The following WDR89 variants were observed in gnomAD, a reference collection of about 807,000 sequenced individuals.
The protein encoded by WDR89 is WD repeat domain 89, also known as WD repeat-containing protein 89.
WDR89 carries 17 observed loss-of-function variants against 29.1 expected under a neutral mutation model. The observed-to-expected ratio is 0.58, with a 90% CI of 0.40 to 0.88. The LOEUF (loss-of-function observed/expected upper bound fraction) is 0.88, where lower values mean the gene tolerates loss of function less well. Ranked by LOEUF, WDR89 falls within the 40% of genes least tolerant of loss-of-function variation. The probability of loss-of-function intolerance (pLI) is 0.00; values close to 1 mark genes in which losing one functional copy is unlikely to be tolerated. For missense variants in WDR89, 396 were observed against 456.3 expected (o/e 0.87, Z 1.20); for synonymous variants, 138 against 157.8 (o/e 0.87, Z 0.94).
At chr14:63,616,460 C>A (rs1027108691) in intron 2 of WDR89, among the ~76,000 whole-genome samples, 1 of 151,894 alleles carries the variant, frequency 6.6e-6, no homozygotes, top group Non-Finnish European at 1.5e-5. Context: ...TAAAAAATAA[C>A]AACATAGGGT....
At chr14:63,623,398 G>A (rs1258984283) in intron 2 of WDR89, among the ~76,000 whole-genome samples, 3 of 151,638 alleles carry the variant, frequency 2.0e-5, no homozygotes, top group African/African-American at 4.8e-5. Context: ...TGGTAAGAAG[G>A]TAGATTTAAA....
At chr14:63,629,083 C>T (rs1883244300) in intron 1 of WDR89, among the ~76,000 whole-genome samples, 1 of 152,078 alleles carries the variant, frequency 6.6e-6, no homozygotes, top group South Asian at 2.1e-4. Context: ...CTTGGGTTGC[C>T]TTCTCCTTGA....
intron 2 of WDR89, among the ~76,000 whole-genome samples, chr14:63,619,853 A>G (rs530043438): frequency 6.6e-6 from 1 of 152,182 alleles, no homozygotes; most frequent in South Asian, 2.1e-4. Flanking sequence ...GAAAATACAA[A>G]AATTAGCTGG....
chr14:63,625,903 G>A (rs1047568856), intron 1 of WDR89, among the ~76,000 whole-genome samples: 2 of 150,002 alleles, frequency 1.3e-5, no homozygotes, highest in East Asian at 1.9e-4. Context: ...CACCAGGCTC[G>A]AGAGCAGCAG....
At chr14:63,633,213 C>A (rs1883519383) in intron 1 of WDR89, among the ~76,000 whole-genome samples, 1 of 151,968 alleles carries the variant, frequency 6.6e-6, no homozygotes, top group African/African-American at 2.4e-5. Context: ...AGGATTTCCA[C>A]CCCTTTTATG....
intron 2 of WDR89, among the ~76,000 whole-genome samples, chr14:63,613,050 T>C (rs921170131): frequency 2.6e-5 from 4 of 152,094 alleles, no homozygotes; most frequent in Admixed American, 1.3e-4. Context: ...ACAGTTAGGG[T>C]AGGATTAAGA....
At chr14:63,613,862 C>T (rs973027129) in intron 2 of WDR89, among the ~76,000 whole-genome samples, 2 of 139,830 alleles carry the variant, frequency 1.4e-5, no homozygotes, top group South Asian at 2.3e-4. Flanking sequence ...CACGGTCTCA[C>T]ATACTTGAAC....
rs528213124 is a variant in WDR89, at chr14:63,599,464, T to A, written c.479A>T (p.Asp160Val). The A allele has an allele frequency of 2.5e-6, 4 of 1,614,122 alleles. No homozygotes were observed. The highest frequency in any genetic ancestry group is 2.2e-5 in the East Asian group (1 of 44,874). ...MNSQNLSTTK[D>V]SLGAYSETHS... is the part of the protein sequence containing the mutation. ...TGTCTCTGAATATGCACCAAGTGAG[T>A]CTTTAGTTGTAGATAAATTCTGAGA... is the stretch of plus-strand genomic sequence containing the variant. The change falls in exon 3 of 3, where the codon GAC becomes GTC. Residue 160 changes from aspartate to valine, a missense_variant. Asp to Val is a radical substitution (Grantham distance 152). Coordinates refer to ENST00000620954, the MANE Select transcript of WDR89 (RefSeq NM_080666.4).
Position 63,617,777 on chromosome 14 carries a change from G to A in WDR89, c.-32+7151C>T, listed in dbSNP as rs563036614. Among the ~76,000 whole-genome samples the A allele has an allele frequency of 3.3e-5, 5 of 152,260 alleles. 1 individual carries two copies. In the South Asian group the frequency reaches 8.3e-4, roughly 25 times the overall value. ...TGGTATTGCAGGCATGAGCCACTGC[G>A]CCTGGCCTAGAATTCTACATAGCAA... On this transcript the variant is annotated intron_variant, in intron 2 of 2. Transcript: ENST00000620954.
intron 2 of WDR89, among the ~76,000 whole-genome samples, chr14:63,610,702 C>CTTTTTTTTTTT (rs1009799974): frequency 7.7e-5 from 10 of 129,112 alleles, no homozygotes; most frequent in Non-Finnish European, 1.3e-4. Flanking sequence ...CTTTTCTTTT[C>CTTTTTTTTTTT]TTTTTTTTTT....
Position 63,607,255 on chromosome 14 carries a change from C to T in WDR89, c.-31-7282G>A, listed in dbSNP as rs187292419. On this transcript the variant is annotated intron_variant, in intron 2 of 2. Coordinates refer to ENST00000620954, the MANE Select transcript of WDR89 (RefSeq NM_080666.4). ...TCGGTTCACTGCAAGCTCTGCCTCC[C>T]GGGTTCACGCCATTCTCCTGCCTCA... is the stretch of plus-strand genomic sequence containing the variant. Among the ~76,000 whole-genome samples the T allele has an allele frequency of 7.2e-5, 11 of 152,192 alleles. No homozygotes were observed. The East Asian group carries it at 7.8e-4, about 11-fold the overall frequency.
Position 63,611,247 on chromosome 14 carries a change from G to A in WDR89, c.-31-11274C>T, listed in dbSNP as rs139602214. On this transcript the variant is annotated intron_variant, in intron 2 of 2. Transcript: ENST00000620954. ...AGCTACTAAGAAGGCTGAGGCATGA[G>A]AATCACTTGAACCCAGGAGGCGGAG... Among the ~76,000 whole-genome samples the A allele has an allele frequency of 3.1e-4, 43 of 140,518 alleles. No homozygotes were observed. In the East Asian group the frequency reaches 9.7e-3, roughly 32 times the overall value. The allele number at this position is 140,518 out of a possible 152,430, so 92.2% of individuals were successfully genotyped here.
At chr14:63,637,063 AG>A (rs1883778971) in intron 1 of WDR89, among the ~76,000 whole-genome samples, 1 of 149,174 alleles carries the variant, frequency 6.7e-6, no homozygotes. Context: ...CAAATCAGTA[AG>A]AAAAAAAACA....
rs1163912253 is a variant in WDR89 at position 63,597,565 on chromosome 14, T to C, written c.*1214A>G. 6.6e-6 allele frequency: 1 copy of C among 152,240 alleles called. No individual in the cohort carries two copies. Among genetic ancestry groups the C allele is most frequent in the African/African-American group, 2.4e-5 (1 of 41,462 alleles). The allele number at this position is 152,240 out of a possible 1,614,324, so 9.4% of individuals were successfully genotyped here. ...CAACACTATTAATTACTTTTGAATT[T>C]TAAATATTTTTAATTTTAAAAAGCC... On this transcript the variant is annotated 3_prime_UTR_variant, in exon 3 of 3. Coordinates refer to ENST00000620954, the MANE Select transcript of WDR89 (RefSeq NM_080666.4).
Position 63,597,714 on chromosome 14 carries a change from A to C in WDR89, c.*1065T>G, listed in dbSNP as rs1007714625. 2 of 152,178 alleles carry C rather than the reference A, an allele frequency of 1.3e-5. No individual in the cohort carries two copies. The highest frequency in any genetic ancestry group is 2.9e-5 in the Non-Finnish European group (2 of 68,034). The allele number at this position is 152,178 out of a possible 1,614,324, so 9.4% of individuals were successfully genotyped here. On this transcript the variant is annotated 3_prime_UTR_variant, in exon 3 of 3. Coordinates refer to ENST00000620954, the MANE Select transcript of WDR89 (RefSeq NM_080666.4). ...ATATTTTAAAGATTCTGAAAAACAC[A>C]ATTTTTAACGCTTATGTAGTCCGCC...
In WDR89 at chr14:63,632,145, C is replaced by CA. The variant is rs199611492; in HGVS notation, c.-137-7113dup. On this transcript the variant is annotated intron_variant, in intron 1 of 2. Transcript: ENST00000620954. ...AAACAAACAAAAAAAAAACTAAAAA[C>CA]AAAAAAAAGTAAATCCAAAAATCAA... Among the ~76,000 whole-genome samples, 154 of 149,860 alleles carry CA rather than the reference C, an allele frequency of 1.0e-3. 4 individuals carry two copies. The East Asian group carries it at 0.026, about 26-fold the overall frequency.
chr14:63,640,731 C>T (rs1884058498), intron 1 of WDR89, among the ~76,000 whole-genome samples: 1 of 151,486 alleles, frequency 6.6e-6, no homozygotes, highest in Non-Finnish European at 1.5e-5. Context: ...CCGCCTCGGC[C>T]TCCCAAAGTG....
chr14:63,604,140 G>A (rs1895205011), intron 2 of WDR89, among the ~76,000 whole-genome samples: 1 of 152,174 alleles, frequency 6.6e-6, no homozygotes, highest in African/African-American at 2.4e-5. Context: ...AATTAAAAAT[G>A]ATGGCCAGGT....
intron 2 of WDR89, among the ~76,000 whole-genome samples, chr14:63,600,949 A>G (rs1442716771): frequency 6.6e-6 from 1 of 152,062 alleles, no homozygotes; most frequent in Non-Finnish European, 1.5e-5. Context: ...TCAAAAGTGG[A>G]AGAGGGAGGC....
Sources: gnomAD v4.1 joint callset for allele counts (sites outside exome capture counted in the v4.1 genomes callset) on GRCh38, gnomAD v4.1.1 for gene constraint, MANE v1.5 for transcripts, NCBI Gene and HGNC (gene_info 2026-07-23, HGNC 2026-07-21) for gene names.